RABGGTA: variants seen among roughly 807,000 people sequenced by gnomAD.
The protein encoded by RABGGTA is geranylgeranyl transferase type-2 subunit alpha.
Under a neutral mutation model 83.3 loss-of-function variants are expected in RABGGTA, and 69 were observed. That is an observed-to-expected ratio of 0.83 (90% CI 0.68 to 1.01). The LOEUF (loss-of-function observed/expected upper bound fraction) is 1.01. Ranked by LOEUF, RABGGTA falls within the 50% of genes least tolerant of loss-of-function variation. The pLI is 0.00. For missense variants in RABGGTA, 681 were observed against 712.7 expected (o/e 0.96, Z 0.51); for synonymous variants, 310 against 299.8 (o/e 1.03, Z -0.35).
chr14:24,268,231 C>T lies in RABGGTA; in HGVS notation c.1059-33G>A, dbSNP rs779105303. 6 of 1,608,526 alleles carry T rather than the reference C, an allele frequency of 3.7e-6. No individual in the cohort carries two copies. The Admixed American group carries it at 1.0e-4, about 27-fold the overall frequency. On this transcript the variant is annotated intron_variant, in intron 11 of 16. Transcript: ENST00000216840. ...TGGGCAGGGTGGGGAGGAGTTGAGG[C>T]CCACAGCCCTGAAGCACTGGTCAAC...
Position 24,269,954 on chromosome 14 carries a change from G to A in RABGGTA, c.426C>T (p.Asn142=). 1 of 1,613,162 alleles carries A rather than the reference G, an allele frequency of 6.2e-7. No homozygotes were observed. Among genetic ancestry groups the A allele is most frequent in the South Asian group, 1.1e-5 (1 of 90,966 alleles). ...CARFLEVDER[N]FHCWDYRRFV... ...GGGACAGAATCTGCAGCCACGTACA[G>A]TTCCGCTCATCCACCTCCAGGAAAC... The change falls in exon 5 of 17, where the codon AAC becomes AAT. Residue 142 remains asparagine, a splice_region_variant and synonymous_variant. Transcript: ENST00000216840.
At chr14:24,267,542 G>T in intron 14 of RABGGTA, 118 bp downstream of exon 14, 1 of 735,392 alleles carries the variant, frequency 1.4e-6, no homozygotes, top group Non-Finnish European at 2.3e-6. Flanking sequence ...TGGGAGGCAG[G>T]GATGAACTCT....
At position 24,266,524 on chromosome 14, in the gene RABGGTA, G is replaced by A. The variant is rs748613916; in HGVS notation, c.1468-7C>T. 1.2e-6 allele frequency: 2 copies of A among 1,612,620 alleles called. No homozygotes were observed. The highest frequency in any genetic ancestry group is 1.7e-5 in the Admixed American group (1 of 60,018). ...TATCACTGGCCTGCAGCACCTGGGG[G>A]CAGGGAGGGCAGGGAGGCAGGACAG... On this transcript the variant is annotated splice_region_variant and splice_polypyrimidine_tract_variant and intron_variant, in intron 15 of 16. Transcript: ENST00000216840.
At position 24,268,447 on chromosome 14, in the gene RABGGTA, GTGCACCCTTGAGAGGA is replaced by G. The variant is rs148483964; in HGVS notation, c.1007-43_1007-28del. On this transcript the variant is annotated intron_variant, in intron 10 of 16. Transcript: ENST00000216840. ...TGGGGAAAGAGTAGGTGGTTGGAGG[GTGCACCCTTGAGAGGA>G]AAAGAGTGATGGGGGCTGCTGCAAG... 6.2e-3 allele frequency: 10,012 copies of G among 1,613,852 alleles called. 570 individuals carry two copies. The African/African-American group carries it at 0.12, about 19-fold the overall frequency.
Position 24,268,706 on chromosome 14 carries a change from C to T in RABGGTA, c.900+19G>A, listed in dbSNP as rs2040904770. ...CCCTGCCCCAGACCCCAACTTCTGC[C>T]CCACCAATCCTGGGATACCCAGACA... On this transcript the variant is annotated intron_variant, in intron 9 of 16. Coordinates refer to ENST00000216840, the MANE Select transcript of RABGGTA (RefSeq NM_182836.3). The T allele has an allele frequency of 6.2e-7, 1 of 1,604,530 alleles. No individual in the cohort carries two copies. Among genetic ancestry groups the T allele is most frequent in the African/African-American group, 1.3e-5 (1 of 74,752 alleles).
At chr14:24,265,819 T>C (rs2040866694) in intron 16 of RABGGTA, 56 bp from the exon 17 acceptor site, 3 of 1,534,902 alleles carry the variant, frequency 2.0e-6, no homozygotes, top group Admixed American at 2.0e-5. Flanking sequence ...TATTTGCTCC[T>C]GTGTACCCTC....
Position 24,266,907 on chromosome 14 carries a change from GA to G in RABGGTA, c.1354-19del, listed in dbSNP as rs757360297. 1 of 1,589,540 alleles carries G rather than the reference GA, an allele frequency of 6.3e-7. No homozygotes were observed. Among genetic ancestry groups the G allele is most frequent in the East Asian group, 2.2e-5 (1 of 44,740 alleles). On this transcript the variant is annotated intron_variant, in intron 14 of 16. Transcript: ENST00000216840. Reference sequence around the variant, plus strand: ...GTCAGATCCTGGGGGGTGAAGGGAGGAAGGAGGTGATGGGCTTCCCAGGAGA... The same window carrying G: ...GTCAGATCCTGGGGGGTGAAGGGAGGAGGAGGTGATGGGCTTCCCAGGAGA...
chr14:24,270,844 A>T lies in RABGGTA; in HGVS notation c.107T>A (p.Phe36Tyr). ...TACCTCTGAGGGCCCCACCTTCTGG[A>T]ATACGGCCTGGGTGGCTGACTGGTA... is the stretch of plus-strand genomic sequence containing the variant. ...KLYQSATQAVFQKRQAGELDE... is the reference protein window; with the variant it reads ...KLYQSATQAVYQKRQAGELDE... The change falls in exon 3 of 17, where the codon TTC (phenylalanine) becomes TAC (tyrosine). Residue 36 changes from phenylalanine to tyrosine, a missense_variant. Physicochemically the swap from Phe to Tyr is conservative, Grantham distance 22. Around this residue, in one of 5 missense-constraint regions of RABGGTA, gnomAD observed 115 missense variants for 111.5 expected, o/e 1.03. Coordinates refer to ENST00000216840, the MANE Select transcript of RABGGTA (RefSeq NM_182836.3). 5 of 1,613,726 alleles carry T rather than the reference A, an allele frequency of 3.1e-6. No homozygotes were observed. The highest frequency in any genetic ancestry group is 4.2e-6 in the Non-Finnish European group (5 of 1,179,766).
intron 7 of RABGGTA, 25 bp downstream of exon 7, chr14:24,269,055 C>T (rs1288321836): frequency 1.3e-6 from 2 of 1,594,664 alleles, no homozygotes; most frequent in East Asian, 2.3e-5. Flanking sequence ...GCGCTAAACA[C>T]CCAGCCCCTT....
intron 2 of RABGGTA, 53 bp downstream of exon 2, chr14:24,271,060 G>A (rs941021702): frequency 6.3e-7 from 1 of 1,577,370 alleles, no homozygotes; most frequent in Non-Finnish European, 8.6e-7. Context: ...CACTGCCACT[G>A]GGGGTGAGGG....
chr14:24,266,071 A>C (rs1266614054), intron 16 of RABGGTA, among the ~76,000 whole-genome samples: 6 of 152,238 alleles, frequency 3.9e-5, no homozygotes, highest in African/African-American at 1.4e-4. Context: ...AGGGCTGCTG[A>C]GTGAAAATAC....
In RABGGTA at chr14:24,270,754, G is replaced by A. The variant is rs144927356; in HGVS notation, c.114+83C>T. The A allele has an allele frequency of 7.2e-5, 110 of 1,529,494 alleles. No homozygotes were observed. In the East Asian group the frequency reaches 2.6e-3, roughly 37 times the overall value. The allele number at this position is 1,529,494 out of a possible 1,614,324, so 94.7% of individuals were successfully genotyped here. On this transcript the variant is annotated intron_variant, in intron 3 of 16. Coordinates refer to ENST00000216840, the MANE Select transcript of RABGGTA (RefSeq NM_182836.3). ...GATAACCCAGAATTGGATCTAGGCA[G>A]TCTGACTCTAGGGACCAGCTCTTGG... is the stretch of plus-strand genomic sequence containing the variant.
chr14:24,266,199 G>A (rs778252521), intron 16 of RABGGTA, among the ~76,000 whole-genome samples: 11 of 152,120 alleles, frequency 7.2e-5, no homozygotes, highest in Non-Finnish European at 1.3e-4. Flanking sequence ...GAACAGCTGC[G>A]GGCTGCCCAT....
In RABGGTA at chr14:24,266,825, T is replaced by C. The variant is rs374151351; in HGVS notation, c.1418A>G (p.Asn473Ser). The C allele has an allele frequency of 2.0e-5, 32 of 1,613,600 alleles. No homozygotes were observed. Among genetic ancestry groups the C allele is most frequent in the East Asian group, 2.2e-5 (1 of 44,874 alleles). ...TGCAGGTGGCAGGGTTCGGAGGCGA[T>C]TGTGTGACAAGTCAAGATGGGTGAC... Reference protein sequence around the residue: ...LLVTHLDLSHNRLRTLPPALA... With the variant: ...LLVTHLDLSHSRLRTLPPALA... The change falls in exon 15 of 17, where the codon AAT becomes AGT. Residue 473 changes from asparagine (N) to serine (S), a missense_variant. Around this residue, in one of 5 missense-constraint regions of RABGGTA, gnomAD observed 421 missense variants for 418.5 expected, o/e 1.01. Transcript: ENST00000216840.
Position 24,265,598 on chromosome 14 carries a change from G to T in RABGGTA, c.*17C>A. The T allele has an allele frequency of 6.2e-6, 10 of 1,612,188 alleles. No individual in the cohort carries two copies. The highest frequency in any genetic ancestry group is 7.6e-6 in the Non-Finnish European group (9 of 1,178,978). On this transcript the variant is annotated 3_prime_UTR_variant, in exon 17 of 17. Coordinates refer to ENST00000216840, the MANE Select transcript of RABGGTA (RefSeq NM_182836.3). ...AGTCCCAATAAGTTAAAGGGCAAGG[G>T]TAGGGGGCAGGGCCTCTTAGGTGAG...
rs755218811 is a variant in RABGGTA at position 24,266,822 on chromosome 14, C to T, written c.1421G>A (p.Arg474His). The change falls in exon 15 of 17, where the codon CGC becomes CAC. Residue 474 changes from arginine (R) to histidine (H), a missense_variant. By Grantham distance (29) the Arg-to-His change is conservative. This residue lies in a region of RABGGTA where 421 missense variants were observed against 418.5 expected (regional missense o/e 1.01). Transcript: ENST00000216840. ...CAGTGCAGGTGGCAGGGTTCGGAGGCGATTGTGTGACAAGTCAAGATGGGT... is the reference window on the plus strand; with the variant it reads ...CAGTGCAGGTGGCAGGGTTCGGAGGTGATTGTGTGACAAGTCAAGATGGGT... ...LVTHLDLSHN[R>H]LRTLPPALAA... 8.7e-6 allele frequency: 14 copies of T among 1,613,724 alleles called. No individual in the cohort carries two copies. The highest frequency in any genetic ancestry group is 4.4e-5 in the South Asian group (4 of 91,082).
chr14:24,267,741 G>T lies in RABGGTA; in HGVS notation c.1272C>A (p.Asp424Glu). ...VDPMRATYLD[D>E]LRSKFLLENS... is the part of the protein sequence containing the mutation. Reference sequence around the variant, plus strand: ...TCTCCAGCAAGAACTTGCTGCGCAGGTCATCCAGATACGTTGCCCGCATGG... The same window carrying T: ...TCTCCAGCAAGAACTTGCTGCGCAGTTCATCCAGATACGTTGCCCGCATGG... Residue 424 changes from aspartate (D) to glutamate (E), a missense_variant, in exon 14 of 17, where the codon GAC (aspartate) becomes GAA (glutamate). By Grantham distance (45) the Asp-to-Glu change is conservative. Coordinates refer to ENST00000216840, the MANE Select transcript of RABGGTA (RefSeq NM_182836.3). 2 of 1,612,232 alleles carry T rather than the reference G, an allele frequency of 1.2e-6. No individual in the cohort carries two copies. Among genetic ancestry groups the T allele is most frequent in the South Asian group, 1.1e-5 (1 of 91,006 alleles).
rs2040894033 is a variant in RABGGTA at position 24,267,889 on chromosome 14, T to C, written c.1217A>G (p.Gln406Arg). 6.2e-7 allele frequency: 1 copy of C among 1,613,630 alleles called. No individual in the cohort carries two copies. Among genetic ancestry groups the C allele is most frequent in the African/African-American group, 1.3e-5 (1 of 74,868 alleles). The change falls in exon 13 of 17, where the codon CAG becomes CGG. Residue 406 changes from glutamine to arginine, a missense_variant. Physicochemically the swap from Gln to Arg is conservative, Grantham distance 43. Coordinates refer to ENST00000216840, the MANE Select transcript of RABGGTA (RefSeq NM_182836.3). The part of the protein sequence containing the change: ...DPLLYEKETL[Q>R]YFQTLKAVDP... ...ACTTGCCTTGAGGGTCTGGAAGTAC[T>C]GCAGGGTCTCCTTCTCATACAGCAG...
chr14:24,270,348 C>T lies in RABGGTA; in HGVS notation c.225G>A (p.Gln75=). The change falls in exon 4 of 17, where the codon CAG becomes CAA. Residue 75 remains glutamine (Q), a synonymous_variant. Coordinates refer to ENST00000216840, the MANE Select transcript of RABGGTA (RefSeq NM_182836.3). Reference sequence around the variant, plus strand: ...TCCCTACGCACTTCTGAGTCTCCAGCTGCTGGAGCACCTCTCGTCGGCAGT... The same window carrying T: ...TCCCTACGCACTTCTGAGTCTCCAGTTGCTGGAGCACCTCTCGTCGGCAGT... ...LWNCRREVLQ[Q]LETQKSPEEL... 6.2e-7 allele frequency: 1 copy of T among 1,612,302 alleles called. No homozygotes were observed.
Sources: gnomAD v4.1 joint callset for allele counts (sites outside exome capture counted in the v4.1 genomes callset) on GRCh38, gnomAD v4.1.1 for gene constraint, gnomAD v4.1.1 regional missense constraint, MANE v1.5 for transcripts, NCBI Gene and HGNC (gene_info 2026-07-23, HGNC 2026-07-21) for gene names.